Variants in ERICH1 observed in about 807,000 individuals in gnomAD.
The protein encoded by ERICH1 is glutamate-rich protein 1.
Under a neutral mutation model 39.6 loss-of-function variants are expected in ERICH1, and 56 were observed. The ratio of observed to expected loss-of-function variants is 1.41; its 90% CI spans 1.14 to 1.77. ERICH1 has a LOEUF of 1.77. Among genes scored for constraint, ERICH1 ranks in the 40% most tolerant of loss-of-function variants. The pLI, the probability that ERICH1 is intolerant of heterozygous loss-of-function variation, is 0.00. For missense variants in ERICH1, 826 were observed against 575.4 expected (o/e 1.44, Z -4.45); for synonymous variants, 313 against 223.6 (o/e 1.40, Z -3.57).
intron 3 of ERICH1, chr8:656,747 G>T: frequency 1.0e-6 from 1 of 985,290 alleles, no homozygotes; most frequent in Non-Finnish European, 1.2e-6. Flanking sequence ...TTCTACAAGG[G>T]GCCTCAGCTA....
chr8:722,309 CA>C (rs1817517061), intron 1 of ERICH1, among the ~76,000 whole-genome samples: 2 of 151,636 alleles, frequency 1.3e-5, no homozygotes, highest in Admixed American at 1.3e-4. Context: ...GACACAACAA[CA>C]AAAGGCCAAG....
In ERICH1 at chr8:682,823, A is replaced by G. The variant is rs1285696322; in HGVS notation, c.305-8776T>C. On this transcript the variant is annotated intron_variant, in intron 3 of 5. Transcript: ENST00000262109. ...GCACCTTCTTACGTGAAAGTAGGCT[A>G]GGCATTTTAAAGGGAATATGAACTT... Among the ~76,000 whole-genome samples the G allele has an allele frequency of 5.3e-5, 8 of 152,352 alleles. No individual in the cohort carries two copies. The South Asian group carries it at 6.2e-4, about 12-fold the overall frequency.
At chr8:662,968 G>T (rs958925860), downstream of ERICH1, among the ~76,000 whole-genome samples, 2 of 152,232 alleles carry the variant, frequency 1.3e-5, no homozygotes, top group Admixed American at 1.3e-4. Flanking sequence ...CTCATGTGTG[G>T]CCTCCTGGGA....
chr8:682,700 C>G (rs1806404704), intron 3 of ERICH1, among the ~76,000 whole-genome samples: 2 of 152,226 alleles, frequency 1.3e-5, no homozygotes, highest in South Asian at 2.1e-4. Context: ...TCAAAACTCT[C>G]TCTGCTACTA....
intron 3 of ERICH1, among the ~76,000 whole-genome samples, chr8:631,816 G>A (rs562420871): frequency 6.6e-6 from 1 of 152,214 alleles, no homozygotes; most frequent in African/African-American, 2.4e-5. Flanking sequence ...GGATGACCTG[G>A]TGGGGTGATG....
rs187833077 is a variant in ERICH1 at position 726,045 on chromosome 8, T to C, written c.22+5095A>G. Reference sequence around the variant, plus strand: ...CCCCACTTCTCCTGCAGCACAGCAATGACTCCTGTCCAGTTCTGCACACAG... The same window carrying C: ...CCCCACTTCTCCTGCAGCACAGCAACGACTCCTGTCCAGTTCTGCACACAG... On this transcript the variant is annotated intron_variant, in intron 1 of 5. Coordinates refer to ENST00000262109, the MANE Select transcript of ERICH1 (RefSeq NM_207332.3). Among the ~76,000 whole-genome samples the C allele has an allele frequency of 2.0e-5, 3 of 152,298 alleles. No homozygotes were observed. In the East Asian group the frequency reaches 5.8e-4, roughly 29 times the overall value.
At chr8:698,509 G>A (rs1304134836) in intron 2 of ERICH1, among the ~76,000 whole-genome samples, 12 of 152,120 alleles carry the variant, frequency 7.9e-5, no homozygotes, top group African/African-American at 2.2e-4. Flanking sequence ...GAGAGCCACC[G>A]TGCCCGGCCC....
intron 3 of ERICH1, among the ~76,000 whole-genome samples, chr8:648,502 C>CAAAAAAAAAA (rs531723403): frequency 7.3e-5 from 1 of 13,734 alleles, no homozygotes; most frequent in African/African-American, 1.4e-4. Flanking sequence ...AAAGAAAAAG[C>CAAAAAAAAAA]AAAAAAAAAA....
intron 5 of ERICH1, among the ~76,000 whole-genome samples, chr8:665,034 T>G (rs535758136): frequency 2.0e-5 from 3 of 151,984 alleles, no homozygotes; most frequent in African/African-American, 7.2e-5. Flanking sequence ...GAAAATGAAA[T>G]AGAAGTTTAT....
downstream of ERICH1, among the ~76,000 whole-genome samples, chr8:662,594 G>A (rs753648061): frequency 4.0e-5 from 6 of 150,946 alleles, no homozygotes; most frequent in Non-Finnish European, 1.5e-5. Context: ...GTTGAGGTGA[G>A]CCGAGATCAC....
intron 1 of ERICH1, among the ~76,000 whole-genome samples, chr8:716,884 G>T (rs1439960607): frequency 6.6e-6 from 1 of 152,160 alleles, no homozygotes. Context: ...GCCCTACCTG[G>T]GAACACTGTA....
At chr8:683,351 A>G (rs1806560952) in intron 3 of ERICH1, among the ~76,000 whole-genome samples, 1 of 152,182 alleles carries the variant, frequency 6.6e-6, no homozygotes. Flanking sequence ...GGCTCCTGGG[A>G]CAGAGACTTC....
intron 3 of ERICH1, chr8:615,343 G>T (rs1003069450): frequency 2.1e-5 from 13 of 622,268 alleles, no homozygotes; most frequent in Non-Finnish European, 3.4e-5. Flanking sequence ...AATGTTTATT[G>T]ATCCACAGAT....
chr8:720,575 G>A (rs763283838), intron 1 of ERICH1, among the ~76,000 whole-genome samples: 2 of 152,200 alleles, frequency 1.3e-5, no homozygotes, highest in Non-Finnish European at 2.9e-5. Flanking sequence ...GAAGAAGGCC[G>A]TAGGGATTTG....
chr8:651,135 A>T (rs143127894), intron 3 of ERICH1, among the ~76,000 whole-genome samples: 1 of 152,264 alleles, frequency 6.6e-6, no homozygotes, highest in Non-Finnish European at 1.5e-5. Flanking sequence ...TTGATACTGC[A>T]TTTCAGTTAA....
At chr8:657,712 T>A (rs1800837609) in intron 3 of ERICH1, among the ~76,000 whole-genome samples, 1 of 150,274 alleles carries the variant, frequency 6.7e-6, no homozygotes, top group East Asian at 1.9e-4. Flanking sequence ...TCATCAGGAG[T>A]GAGGGTGGAG....
intron 3 of ERICH1, among the ~76,000 whole-genome samples, chr8:619,334 A>C (rs1276643799): frequency 6.6e-6 from 1 of 152,206 alleles, no homozygotes; most frequent in African/African-American, 2.4e-5. Flanking sequence ...ACACAAGGGG[A>C]TTCTGTAGAT....
chr8:633,171 C>T (rs1399667351), intron 3 of ERICH1, among the ~76,000 whole-genome samples: 3 of 152,098 alleles, frequency 2.0e-5, no homozygotes, highest in Non-Finnish European at 2.9e-5. Flanking sequence ...CCGCGTGGGG[C>T]CGCCCAGGAC....
intron 3 of ERICH1, among the ~76,000 whole-genome samples, chr8:688,052 G>A (rs1011487068): frequency 1.3e-5 from 2 of 152,154 alleles, no homozygotes; most frequent in Non-Finnish European, 2.9e-5. Context: ...GAGACGCGCG[G>A]CGGCGCGCGG....
Sources: gnomAD v4.1 joint callset for allele counts (sites outside exome capture counted in the v4.1 genomes callset) on GRCh38, gnomAD v4.1.1 for gene constraint, MANE v1.5 for transcripts, NCBI Gene and HGNC (gene_info 2026-07-23, HGNC 2026-07-21) for gene names.